The following INSC variants were observed in gnomAD, a reference collection of about 807,000 sequenced individuals.
INSC encodes INSC spindle orientation adaptor protein, also known as protein inscuteable homolog.
A neutral mutation model predicts 58.6 loss-of-function variants in INSC; 67 were observed. That is an observed-to-expected ratio of 1.14 (90% CI 0.94 to 1.40). The LOEUF is 1.40. Among genes scored for constraint, INSC ranks in the 40% most tolerant of loss-of-function variants. The pLI, the probability that INSC is intolerant of heterozygous loss-of-function variation, is 0.00. For missense variants in INSC, 714 were observed against 692.0 expected, an observed-to-expected ratio of 1.03 and a Z score of -0.36; for synonymous variants, 262 against 276.1, an observed-to-expected ratio of 0.95 and a Z score of 0.51.
At chr11:15,244,755 T>C (rs1852494959) in intron 12 of INSC, among the ~76,000 whole-genome samples, 1 of 152,202 alleles carries the variant, frequency 6.6e-6, no homozygotes, top group African/African-American at 2.4e-5. Context: ...ATTCCCTCCT[T>C]CTTTGCTTCT....
In INSC at chr11:15,200,833, G is replaced by A; in HGVS notation, c.703G>A (p.Val235Ile). Reference sequence around the variant, plus strand: ...TTCTTTCTCTTGGCAGGAGGGTGGGGTCGTAGCACTCTTCAAGGTTTGCCG... The same window carrying A: ...TTCTTTCTCTTGGCAGGAGGGTGGGATCGTAGCACTCTTCAAGGTTTGCCG... Reference protein sequence around the residue: ...LCRIIAKEGGVVALFKVCRQD... With the variant: ...LCRIIAKEGGIVALFKVCRQD... Residue 235 changes from valine (V) to isoleucine (I), a missense_variant, in exon 7 of 13, where the codon GTC becomes ATC. By Grantham distance (29) the Val-to-Ile change is conservative. Coordinates refer to ENST00000379556, the MANE Select transcript of INSC (RefSeq NM_001042536.3). 3 of 1,614,056 alleles carry A rather than the reference G, an allele frequency of 1.9e-6. No homozygotes were observed. Among genetic ancestry groups the A allele is most frequent in the African/African-American group, 1.3e-5 (1 of 75,038 alleles).
At chr11:15,242,275 T>C (rs1349264346) in intron 12 of INSC, among the ~76,000 whole-genome samples, 1 of 152,222 alleles carries the variant, frequency 6.6e-6, no homozygotes, top group Non-Finnish European at 1.5e-5. Flanking sequence ...GCTATCATTT[T>C]TATTAGTGTG....
chr11:15,198,839 T>C (rs1850470169), intron 6 of INSC, among the ~76,000 whole-genome samples: 2 of 151,990 alleles, frequency 1.3e-5, no homozygotes. Context: ...CAAGCAGATG[T>C]CCCAGGAACT....
intron 1 of INSC, among the ~76,000 whole-genome samples, chr11:15,141,397 A>G (rs1848367892): frequency 1.3e-5 from 2 of 152,116 alleles, no homozygotes; most frequent in Admixed American, 1.3e-4. Flanking sequence ...GGCCCGCTCT[A>G]CCTGATGCAA....
intron 5 of INSC, among the ~76,000 whole-genome samples, chr11:15,188,948 G>C (rs1244409317): frequency 6.6e-6 from 1 of 152,166 alleles, no homozygotes; most frequent in African/African-American, 2.4e-5. Flanking sequence ...GATTTGTAGT[G>C]ACAAATCTTG....
At chr11:15,132,938 T>C (rs1848158322) in intron 1 of INSC, among the ~76,000 whole-genome samples, 1 of 152,188 alleles carries the variant, frequency 6.6e-6, no homozygotes, top group South Asian at 2.1e-4. Context: ...TTGTCTTTGG[T>C]GCTCATTAAT....
chr11:15,216,336 A>C (rs974322708), intron 7 of INSC, among the ~76,000 whole-genome samples: 1 of 152,126 alleles, frequency 6.6e-6, no homozygotes, highest in Admixed American at 6.6e-5. Flanking sequence ...ATTGACTGAG[A>C]TTTGCATCAG....
At chr11:15,158,681 C>T (rs1157770098) in intron 2 of INSC, among the ~76,000 whole-genome samples, 1 of 136,696 alleles carries the variant, frequency 7.3e-6, no homozygotes, top group Non-Finnish European at 1.7e-5. Context: ...CACCATGTGA[C>T]CTCTCCAAAC....
intron 2 of INSC, among the ~76,000 whole-genome samples, chr11:15,155,310 A>G (rs1037527019): frequency 1.3e-5 from 2 of 152,176 alleles, no homozygotes; most frequent in African/African-American, 2.4e-5. Flanking sequence ...GGCATCCTTT[A>G]AAGACTAGCC....
chr11:15,225,922 C>T, intron 9 of INSC, 94 bp downstream of exon 9: 1 of 1,240,194 alleles, frequency 8.1e-7, no homozygotes, highest in Non-Finnish European at 1.1e-6. Flanking sequence ...GGGGAGAGAG[C>T]ATGGGAGTCC....
Position 15,236,271 on chromosome 11 carries a change from A to G in INSC, c.1237+603A>G, listed in dbSNP as rs535093344. On this transcript the variant is annotated intron_variant, in intron 10 of 12. Coordinates refer to ENST00000379556, the MANE Select transcript of INSC (RefSeq NM_001042536.3). ...GTGCCCCGGGGAAAATGAAGCAGGG[A>G]AGAAGAGTAAGGTAGTCTCAGGGTG... 2.6e-5 allele frequency among the ~76,000 whole-genome samples: 4 copies of G among 152,036 alleles called. No individual in the cohort carries two copies. In the East Asian group the frequency reaches 7.8e-4, roughly 29 times the overall value.
At chr11:15,145,729 G>T (rs141110567) in intron 1 of INSC, among the ~76,000 whole-genome samples, 8 of 152,256 alleles carry the variant, frequency 5.3e-5, no homozygotes, top group Non-Finnish European at 1.2e-4. Context: ...CATTCCATAT[G>T]ACTGCAGTGT....
chr11:15,269,589 G>A, the INSC span, among the ~76,000 whole-genome samples: 1 of 151,890 alleles, frequency 6.6e-6, no homozygotes, highest in Non-Finnish European at 1.5e-5. Context: ...AATGGCAGTG[G>A]TGAGGAGGAA....
intron 1 of INSC, among the ~76,000 whole-genome samples, chr11:15,143,804 C>G (rs1467514577): frequency 6.6e-6 from 1 of 152,104 alleles, no homozygotes; most frequent in African/African-American, 2.4e-5. Flanking sequence ...CAGGATAAGT[C>G]TCAGGCAAGA....
chr11:15,225,728 C>T lies in INSC; in HGVS notation c.1070C>T (p.Thr357Ile), dbSNP rs371444353. Residue 357 changes from threonine (T) to isoleucine (I), a missense_variant, in exon 9 of 13, where the codon ACA (threonine) becomes ATA (isoleucine). Thr to Ile is a moderately conservative substitution (Grantham distance 89). Transcript: ENST00000379556. ...CTTGCCAACATCACGTTCTTTGACA[C>T]AATGGCCTGCGAGATGCTCCTGCAG... Reference protein sequence around the residue: ...AALANITFFDTMACEMLLQLN... With the variant: ...AALANITFFDIMACEMLLQLN... 1.9e-6 allele frequency: 3 copies of T among 1,614,132 alleles called. No individual in the cohort carries two copies. Among genetic ancestry groups the T allele is most frequent in the Non-Finnish European group, 2.5e-6 (3 of 1,180,016 alleles).
intron 1 of INSC, among the ~76,000 whole-genome samples, chr11:15,121,805 A>G (rs1391428675): frequency 1.3e-5 from 2 of 152,102 alleles, no homozygotes; most frequent in Non-Finnish European, 2.9e-5. Context: ...TCAATGGGTT[A>G]TAGTCAATTA....
At chr11:15,147,976 G>A (rs1848536131) in intron 1 of INSC, among the ~76,000 whole-genome samples, 1 of 152,224 alleles carries the variant, frequency 6.6e-6, no homozygotes, top group Admixed American at 6.5e-5. Context: ...CTCAGGGAGG[G>A]CTTATTCATG....
At chr11:15,242,853 G>GTT (rs1005889397) in intron 12 of INSC, among the ~76,000 whole-genome samples, 11 of 152,246 alleles carry the variant, frequency 7.2e-5, no homozygotes, top group African/African-American at 1.9e-4. Flanking sequence ...TGTCCCAGGT[G>GTT]TTTTAAGGGG....
chr11:15,147,266 T>C (rs1848516620), intron 1 of INSC, among the ~76,000 whole-genome samples: 2 of 152,162 alleles, frequency 1.3e-5, no homozygotes, highest in South Asian at 4.1e-4. Flanking sequence ...ATTCCAAAAA[T>C]ATACCTTCTC....
Sources: allele counts gnomAD v4.1 joint callset (sites outside exome capture counted in the v4.1 genomes callset), GRCh38; gene constraint gnomAD v4.1.1; transcripts MANE v1.5; gene names NCBI Gene and HGNC (gene_info 2026-07-23, HGNC 2026-07-21).